The following RBFOX1 variants were observed in gnomAD, a reference collection of about 807,000 sequenced individuals.
RBFOX1 encodes the protein RNA binding protein fox-1 homolog 1.
In RBFOX1, 8 loss-of-function variants were observed where a neutral mutation model predicts 57.7. The ratio of observed to expected loss-of-function variants is 0.14; its 90% CI spans 0.08 to 0.25. The LOEUF (loss-of-function observed/expected upper bound fraction) is 0.25. RBFOX1 is among the 10% of genes least tolerant of loss of function. The probability of loss-of-function intolerance (pLI) is 1.00; values close to 1 mark genes in which losing one functional copy is unlikely to be tolerated. For missense variants in RBFOX1, 611 were observed against 548.5 expected, an observed-to-expected ratio of 1.11 and a Z score of -1.14; for synonymous variants, 326 against 222.4, an observed-to-expected ratio of 1.47 and a Z score of -4.15.
chr16:6,126,659 G>A (rs1443628802), intron 1 of RBFOX1, among the ~76,000 whole-genome samples: 1 of 152,090 alleles, frequency 6.6e-6, no homozygotes, highest in Non-Finnish European at 1.5e-5. Flanking sequence ...TATATTCTGG[G>A]GGTCTGGCTC....
intron 3 of RBFOX1, among the ~76,000 whole-genome samples, chr16:6,815,275 A>T (rs2089814806): frequency 6.6e-6 from 1 of 151,972 alleles, no homozygotes. Flanking sequence ...GTTTTGGCCG[A>T]CTTCTTTGCC....
At chr16:7,313,959 G>A (rs1387998792) in intron 4 of RBFOX1, among the ~76,000 whole-genome samples, 6 of 152,154 alleles carry the variant, frequency 3.9e-5, no homozygotes, top group South Asian at 2.1e-4. Flanking sequence ...GATGGAGTGG[G>A]CCTCTTTTCC....
intron 4 of RBFOX1, among the ~76,000 whole-genome samples, chr16:7,250,994 T>C (rs1483256651): frequency 1.5e-5 from 2 of 134,692 alleles, no homozygotes; most frequent in African/African-American, 6.2e-5. Context: ...GTGTATTATC[T>C]GATATACATT....
At chr16:7,134,317 G>A (rs537707791) in intron 4 of RBFOX1, among the ~76,000 whole-genome samples, 1 of 152,272 alleles carries the variant, frequency 6.6e-6, no homozygotes, top group Non-Finnish European at 1.5e-5. Context: ...AATTCAGAAA[G>A]TAGACTAAGT....
intron 1 of RBFOX1, among the ~76,000 whole-genome samples, chr16:5,403,291 G>C (rs1034739233): frequency 2.0e-5 from 3 of 150,472 alleles, no homozygotes; most frequent in Admixed American, 1.3e-4. Flanking sequence ...TGGAGTTTGC[G>C]GTGTGCCGAG....
chr16:5,615,264 C>T (rs917463362), intron 3 of RBFOX1, among the ~76,000 whole-genome samples: 1 of 152,162 alleles, frequency 6.6e-6, no homozygotes. Flanking sequence ...TTCCTGGACT[C>T]AATTGATCCT....
intron 4 of RBFOX1, among the ~76,000 whole-genome samples, chr16:7,347,795 G>C (rs13339670): frequency 2.0e-5 from 3 of 151,964 alleles, no homozygotes; most frequent in Non-Finnish European, 4.4e-5. Context: ...TTTGCAGCCC[G>C]TTCAAAGTAT....
At chr16:7,412,765 G>A (rs978195605) in intron 4 of RBFOX1, among the ~76,000 whole-genome samples, 1 of 152,188 alleles carries the variant, frequency 6.6e-6, no homozygotes, top group Non-Finnish European at 1.5e-5. Flanking sequence ...AATTACGACT[G>A]GGCATGGTGG....
At chr16:7,332,837 C>A (rs1032840652) in intron 4 of RBFOX1, 40 of 1,439,396 alleles carry the variant, frequency 2.8e-5, no homozygotes, top group Non-Finnish European at 3.3e-5. Flanking sequence ...GTTGCTGATG[C>A]GGATTTTCTT....
intron 3 of RBFOX1, among the ~76,000 whole-genome samples, chr16:6,825,057 C>T (rs12447146): frequency 0.11 from 13,689 of 126,244 alleles, 875 homozygotes; most frequent in East Asian, 0.35. Context: ...AATGCAGTGG[C>T]ATGATCTTTG....
chr16:6,627,802 C>T (rs1258395704), intron 2 of RBFOX1, among the ~76,000 whole-genome samples: 1 of 152,048 alleles, frequency 6.6e-6, no homozygotes, highest in African/African-American at 2.4e-5. Flanking sequence ...GCTGTGTGTG[C>T]CCTACAAGGA....
At chr16:6,035,642 C>A (rs2095355997) in intron 1 of RBFOX1, among the ~76,000 whole-genome samples, 1 of 152,176 alleles carries the variant, frequency 6.6e-6, no homozygotes, top group Non-Finnish European at 1.5e-5. Context: ...TCAGCCCTCC[C>A]AGCTCCCTGC....
At chr16:5,514,939 G>A (rs1048170521) in intron 2 of RBFOX1, among the ~76,000 whole-genome samples, 1 of 152,224 alleles carries the variant, frequency 6.6e-6, no homozygotes, top group East Asian at 1.9e-4. Flanking sequence ...CATGGCGCCA[G>A]TGTCTGCTTT....
chr16:5,441,862 G>C (rs1415759004), intron 1 of RBFOX1, among the ~76,000 whole-genome samples: 1 of 152,150 alleles, frequency 6.6e-6, no homozygotes, highest in African/African-American at 2.4e-5. Context: ...ACGAAAAACA[G>C]ATAGGGGAAA....
At chr16:6,991,998 G>C (rs1043212462) in intron 3 of RBFOX1, among the ~76,000 whole-genome samples, 1 of 152,190 alleles carries the variant, frequency 6.6e-6, no homozygotes, top group East Asian at 1.9e-4. Context: ...TTCAGAAGCT[G>C]GTGCTATGAA....
At chr16:6,856,141 C>A (rs932364693) in intron 3 of RBFOX1, among the ~76,000 whole-genome samples, 1 of 152,028 alleles carries the variant, frequency 6.6e-6, no homozygotes, top group African/African-American at 2.4e-5. Flanking sequence ...CTTTACCTTC[C>A]CTTCCCTTTA....
chr16:7,622,530 ATTC>A (rs2059464438), intron 10 of RBFOX1, among the ~76,000 whole-genome samples: 1 of 152,220 alleles, frequency 6.6e-6, no homozygotes, highest in Non-Finnish European at 1.5e-5. Context: ...CAAGGAACAA[ATTC>A]TTCTTTGTAT....
At chr16:5,611,161 C>T (rs190921122) in intron 3 of RBFOX1, 3 of 152,460 alleles carry the variant, frequency 2.0e-5, no homozygotes, top group African/African-American at 4.8e-5. Flanking sequence ...CACCCAGTCT[C>T]CCTGCCTGCC....
intron 1 of RBFOX1, among the ~76,000 whole-genome samples, chr16:6,114,176 TTCTTC>T (rs936678882): frequency 1.3e-5 from 2 of 152,158 alleles, no homozygotes; most frequent in Non-Finnish European, 2.9e-5. Context: ...AGCAATGAAC[TTCTTC>T]TCTTGTTGGT....
Sources: allele counts gnomAD v4.1 joint callset (sites outside exome capture counted in the v4.1 genomes callset), GRCh38; gene constraint gnomAD v4.1.1; transcripts MANE v1.5; gene names NCBI Gene and HGNC (gene_info 2026-07-23, HGNC 2026-07-21).